The following ADAMTS16 variants were observed in gnomAD, a reference collection of about 807,000 sequenced individuals.
The protein encoded by ADAMTS16 is ADAM metallopeptidase with thrombospondin type 1 motif 16.
Under a neutral mutation model 145.8 loss-of-function variants are expected in ADAMTS16, and 94 were observed. The observed-to-expected ratio is 0.64, with a 90% CI of 0.55 to 0.77. The LOEUF is 0.77. Among genes scored for constraint, ADAMTS16 ranks in the 30% least tolerant of loss-of-function variants. The pLI, the probability that ADAMTS16 is intolerant of heterozygous loss-of-function variation, is 0.00. For missense variants in ADAMTS16, 1,585 were observed against 1,591.5 expected, an observed-to-expected ratio of 1.00 and a Z score of 0.07; for synonymous variants, 659 against 604.3, an observed-to-expected ratio of 1.09 and a Z score of -1.33.
chr5:5,202,283 A>G (rs1214568565), intron 9 of ADAMTS16, among the ~76,000 whole-genome samples: 2 of 152,192 alleles, frequency 1.3e-5, no homozygotes, highest in Non-Finnish European at 2.9e-5. Context: ...TTCATAGTTT[A>G]TGCCACCCAG....
chr5:5,181,156 T>A (rs909966630), intron 3 of ADAMTS16, among the ~76,000 whole-genome samples: 1 of 152,204 alleles, frequency 6.6e-6, no homozygotes, highest in African/African-American at 2.4e-5. Context: ...CAAGAAATAT[T>A]TGGCGAGAAT....
At chr5:5,276,108 CTT>C (rs1423580014) in intron 18 of ADAMTS16, among the ~76,000 whole-genome samples, 13 of 3,400 alleles carry the variant, frequency 3.8e-3, no homozygotes, top group African/African-American at 4.2e-3. Context: ...ATCCACCCAT[CTT>C]GGCCTCCCAA....
intron 3 of ADAMTS16, among the ~76,000 whole-genome samples, chr5:5,172,291 GT>G (rs1735062184): frequency 6.6e-6 from 1 of 151,162 alleles, no homozygotes; most frequent in Admixed American, 6.6e-5. Flanking sequence ...TTAATTTTTG[GT>G]TTTGTTTGCT....
chr5:5,209,028 T>G lies in ADAMTS16; in HGVS notation c.1452-65T>G, dbSNP rs1337821767. 93 of 1,513,298 alleles carry G rather than the reference T, an allele frequency of 6.1e-5. No homozygotes were observed. In the South Asian group the frequency reaches 1.1e-3, roughly 19 times the overall value. The allele number at this position is 1,513,298 out of a possible 1,614,324, so 93.7% of individuals were successfully genotyped here. ...AATTACATGGGGGAGAAAGGCATAATTAGTTGTAAGTCCTTTGGTTACTCT... is the reference window on the plus strand; with the variant it reads ...AATTACATGGGGGAGAAAGGCATAAGTAGTTGTAAGTCCTTTGGTTACTCT... On this transcript the variant is annotated intron_variant, in intron 9 of 22. Coordinates refer to ENST00000274181, the MANE Select transcript of ADAMTS16 (RefSeq NM_139056.4).
chr5:5,200,888 G>A (rs781542322), intron 9 of ADAMTS16, among the ~76,000 whole-genome samples: 1 of 152,028 alleles, frequency 6.6e-6, no homozygotes, highest in African/African-American at 2.4e-5. Context: ...GGGGAGGTAG[G>A]GTTTGATCCT....
intron 4 of ADAMTS16, among the ~76,000 whole-genome samples, chr5:5,185,445 G>T (rs142676266): frequency 1.6e-4 from 25 of 152,336 alleles, no homozygotes; most frequent in African/African-American, 5.3e-4. Context: ...ATTACTTCAA[G>T]AGGAAAGTGT....
At chr5:5,294,648 C>A (rs559937886) in intron 18 of ADAMTS16, among the ~76,000 whole-genome samples, 1 of 152,330 alleles carries the variant, frequency 6.6e-6, no homozygotes, top group Non-Finnish European at 1.5e-5. Context: ...GCAGTCTAGA[C>A]ATGTTGACAC....
intron 18 of ADAMTS16, among the ~76,000 whole-genome samples, chr5:5,293,425 C>G (rs777609218): frequency 6.6e-6 from 1 of 152,192 alleles, no homozygotes; most frequent in Non-Finnish European, 1.5e-5. Context: ...AAACCAGTCT[C>G]TCTCATTCCC....
At chr5:5,301,579 G>T (rs1248317439) in intron 18 of ADAMTS16, among the ~76,000 whole-genome samples, 1 of 152,180 alleles carries the variant, frequency 6.6e-6, no homozygotes, top group South Asian at 2.1e-4. Flanking sequence ...CCATTCTCGA[G>T]AACACTTCTC....
Position 5,200,201 on chromosome 5 carries a change from A to G in ADAMTS16, c.1383A>G (p.Thr461=), listed in dbSNP as rs1346738895. ...CCGAGGGCAACATCATGTCCCCTAC[A>G]TTGGCAGGACGCAATGGAGTCTTCT... The part of the protein sequence containing the change: ...KKSEGNIMSP[T]LAGRNGVFSW... The change falls in exon 9 of 23, where the codon ACA becomes ACG. Residue 461 remains threonine, a synonymous_variant. Transcript: ENST00000274181. The G allele has an allele frequency of 1.2e-6, 2 of 1,614,062 alleles. No individual in the cohort carries two copies. The highest frequency in any genetic ancestry group is 1.1e-5 in the South Asian group (1 of 91,074).
At chr5:5,182,388 G>T (rs1735366965) in intron 4 of ADAMTS16, 83 bp downstream of exon 4, 2 of 1,520,674 alleles carry the variant, frequency 1.3e-6, no homozygotes, top group Non-Finnish European at 1.8e-6. Context: ...TTTCTTCAAA[G>T]CATGTCTGCC....
At position 5,209,108 on chromosome 5, in the gene ADAMTS16, C is replaced by T. The variant is rs1437852431; in HGVS notation, c.1467C>T (p.Ile489=). The T allele has an allele frequency of 1.2e-6, 2 of 1,613,532 alleles. No homozygotes were observed. The highest frequency in any genetic ancestry group is 1.7e-6 in the Non-Finnish European group (2 of 1,179,710). The part of the protein sequence containing the change: ...LHKFLSTAQA[I]CLADQPKPVK... ...TTTGTTTCAGCACCGCTCAAGCTAT[C>T]TGCCTTGCTGATCAGCCAAAGCCTG... Residue 489 remains isoleucine, a synonymous_variant, in exon 10 of 23, where the codon ATC becomes ATT. Transcript: ENST00000274181.
rs1158314132 is a variant in ADAMTS16, at chr5:5,146,177, G to A, written c.223G>A (p.Val75Met). 13 of 1,614,042 alleles carry A rather than the reference G, an allele frequency of 8.1e-6. No homozygotes were observed. The highest frequency in any genetic ancestry group is 2.7e-5 in the African/African-American group (2 of 74,908). ...AYEVDHRGDYVSHEIMHHQRR... is the reference protein window; with the variant it reads ...AYEVDHRGDYMSHEIMHHQRR... ...CGAGGTTGACCACAGGGGCGATTAC[G>A]TGTCCCATGAAATCATGCACCATCA... Residue 75 changes from valine (V) to methionine (M), a missense_variant, in exon 3 of 23, where the codon GTG (valine) becomes ATG (methionine). Val to Met is a conservative substitution (Grantham distance 21). This residue lies in a region of ADAMTS16 where 453 missense variants were observed against 412.1 expected (regional missense o/e 1.10). Coordinates refer to ENST00000274181, the MANE Select transcript of ADAMTS16 (RefSeq NM_139056.4).
chr5:5,295,546 G>A (rs758899532), intron 18 of ADAMTS16, among the ~76,000 whole-genome samples: 6 of 152,338 alleles, frequency 3.9e-5, no homozygotes, highest in South Asian at 2.1e-4. Flanking sequence ...CCTCACCCAC[G>A]GGTGCTCAGC....
chr5:5,260,712 C>G (rs1394229459), intron 17 of ADAMTS16, among the ~76,000 whole-genome samples: 1 of 152,248 alleles, frequency 6.6e-6, no homozygotes, highest in Non-Finnish European at 1.5e-5. Flanking sequence ...CTTGAGAAAA[C>G]TGATACTGTA....
chr5:5,286,992 CTGAAGGTATCT>C (rs1391396277), intron 18 of ADAMTS16, among the ~76,000 whole-genome samples: 6 of 151,420 alleles, frequency 4.0e-5, no homozygotes, highest in Admixed American at 1.3e-4. Context: ...AAATAACAAT[CTGAAGGTATCT>C]TGAAGAAGAA....
chr5:5,245,419 A>C (rs1043760795), intron 17 of ADAMTS16, among the ~76,000 whole-genome samples: 5 of 152,216 alleles, frequency 3.3e-5, no homozygotes, highest in African/African-American at 1.2e-4. Flanking sequence ...GGTGAGGTCA[A>C]TGCATCACCT....
At chr5:5,181,190 T>C (rs1297820146) in intron 3 of ADAMTS16, among the ~76,000 whole-genome samples, 1 of 152,088 alleles carries the variant, frequency 6.6e-6, no homozygotes, top group Non-Finnish European at 1.5e-5. Flanking sequence ...CTCCCTGGAG[T>C]TGAATTGTGC....
At position 5,243,910 on chromosome 5, in the gene ADAMTS16, A is replaced by T. The variant is rs146588518; in HGVS notation, c.2662+1719A>T. ...GTCACCTAACTATCCCTAAGGAATAATTGAGAGTTTCTGGGGGAAATCAAC... is the reference window on the plus strand; with the variant it reads ...GTCACCTAACTATCCCTAAGGAATATTTGAGAGTTTCTGGGGGAAATCAAC... On this transcript the variant is annotated intron_variant, in intron 17 of 22. Coordinates refer to ENST00000274181, the MANE Select transcript of ADAMTS16 (RefSeq NM_139056.4). Among the ~76,000 whole-genome samples, 290 of 152,320 alleles carry T rather than the reference A, an allele frequency of 1.9e-3. 1 individual carries two copies. Among genetic ancestry groups the T allele is most frequent in the African/African-American group, 6.5e-3 (271 of 41,564 alleles).
Sources: allele counts gnomAD v4.1 joint callset (sites outside exome capture counted in the v4.1 genomes callset), GRCh38; gene constraint gnomAD v4.1.1; regional missense constraint gnomAD v4.1.1; transcripts MANE v1.5; gene names NCBI Gene and HGNC (gene_info 2026-07-23, HGNC 2026-07-21).